Variants in ATP2C2 observed in about 807,000 individuals in gnomAD.
ATP2C2 encodes calcium-transporting ATPase type 2C member 2.
In ATP2C2, 171 loss-of-function variants were observed where a neutral mutation model predicts 110.8. That is an observed-to-expected ratio of 1.54 (90% confidence interval 1.36 to 1.75). The LOEUF (loss-of-function observed/expected upper bound fraction) is 1.75, where lower values mean the gene tolerates loss of function less well. ATP2C2 is among the 40% of genes most tolerant of loss of function. The pLI, the probability that ATP2C2 is intolerant of heterozygous loss-of-function variation, is 0.00. For missense variants in ATP2C2, 1,963 were observed against 1,235.0 expected, an observed-to-expected ratio of 1.59 and a Z score of -8.84; for synonymous variants, 804 against 508.4, an observed-to-expected ratio of 1.58 and a Z score of -7.82.
rs1246788025 is a variant in ATP2C2 at position 84,410,465 on chromosome 16, A to G, written c.418-103A>G. ...TGTACTGTGCACATGTTTTGCAAGAAGAAAGGAAATCAATCATTAAAGACA... is the reference window on the plus strand; with the variant it reads ...TGTACTGTGCACATGTTTTGCAAGAGGAAAGGAAATCAATCATTAAAGACA... On this transcript the variant is annotated intron_variant, in intron 4 of 26. Coordinates refer to ENST00000262429, the MANE Select transcript of ATP2C2 (RefSeq NM_014861.4). 3 of 1,339,322 alleles carry G rather than the reference A, an allele frequency of 2.2e-6. No individual in the cohort carries two copies. In the African/African-American group the frequency reaches 4.3e-5, roughly 19 times the overall value. 83.0% of individuals were successfully genotyped at this position (1,339,322 alleles called of 1,614,324 possible).
At chr16:84,456,217 T>C (rs1487190588) in intron 21 of ATP2C2, among the ~76,000 whole-genome samples, 1 of 136,240 alleles carries the variant, frequency 7.3e-6, no homozygotes, top group African/African-American at 2.8e-5. Context: ...CAGTTCCTCC[T>C]TGTACCTCTG....
chr16:84,398,819 C>A (rs1216145721), intron 2 of ATP2C2, among the ~76,000 whole-genome samples: 1 of 152,198 alleles, frequency 6.6e-6, no homozygotes, highest in Non-Finnish European at 1.5e-5. Flanking sequence ...CAGGCCCTTA[C>A]CGGAAGACGG....
intron 7 of ATP2C2, among the ~76,000 whole-genome samples, chr16:84,419,642 C>T (rs1423133870): frequency 2.4e-5 from 1 of 41,956 alleles, no homozygotes; most frequent in East Asian, 3.2e-4. Context: ...CTCCCTCCTC[C>T]CTTCCCTTGG....
intron 1 of ATP2C2, among the ~76,000 whole-genome samples, chr16:84,394,608 A>G (rs866402189): frequency 1.3e-5 from 2 of 151,880 alleles, no homozygotes; most frequent in African/African-American, 4.8e-5. Context: ...AGAAGTCAAA[A>G]CTCAAGGAGT....
chr16:84,394,627 C>A (rs566723034), intron 1 of ATP2C2, among the ~76,000 whole-genome samples: 1 of 152,098 alleles, frequency 6.6e-6, no homozygotes. Flanking sequence ...GTCAGGAGGG[C>A]TGTGCTCTCT....
rs1172827272 is a variant in ATP2C2 at position 84,423,842 on chromosome 16, C to G, written c.919+579C>G. Among the ~76,000 whole-genome samples, 5 of 152,324 alleles carry G rather than the reference C, an allele frequency of 3.3e-5. 1 individual carries two copies. Among genetic ancestry groups the G allele is most frequent in the East Asian group, 1.9e-4 (1 of 5,186 alleles). ...ACATATTTCTATGCTTCTAAGCAGG[C>G]TGTTCCTGGACTGGGACTTCCTGAC... On this transcript the variant is annotated intron_variant, in intron 10 of 26. Coordinates refer to ENST00000262429, the MANE Select transcript of ATP2C2 (RefSeq NM_014861.4).
At chr16:84,402,467 G>C (rs1476575174) in intron 2 of ATP2C2, among the ~76,000 whole-genome samples, 2 of 152,128 alleles carry the variant, frequency 1.3e-5, no homozygotes, top group Non-Finnish European at 2.9e-5. Context: ...ATTACATTGA[G>C]ACATGTTCCT....
intron 3 of ATP2C2, chr16:84,406,568 C>T (rs1299405311): frequency 1.0e-6 from 1 of 984,946 alleles, no homozygotes; most frequent in Non-Finnish European, 1.2e-6. Context: ...TCCTTGAGGT[C>T]CCCTCCCTGA....
Position 84,460,816 on chromosome 16 carries a change from C to T in ATP2C2, c.2481+15C>T. On this transcript the variant is annotated intron_variant, in intron 24 of 26. Coordinates refer to ENST00000262429, the MANE Select transcript of ATP2C2 (RefSeq NM_014861.4). Reference sequence around the variant, plus strand: ...TCTGGAAGGAGGTGAGCGAGGGTCACCCCGGCCTGTTCTCCAAGCCCTGGT... The same window carrying T: ...TCTGGAAGGAGGTGAGCGAGGGTCATCCCGGCCTGTTCTCCAAGCCCTGGT... 6.2e-7 allele frequency: 1 copy of T among 1,602,148 alleles called. No homozygotes were observed. The highest frequency in any genetic ancestry group is 8.5e-7 in the Non-Finnish European group (1 of 1,172,684).
intron 4 of ATP2C2, among the ~76,000 whole-genome samples, chr16:84,409,316 G>A (rs1290997864): frequency 1.3e-5 from 2 of 152,180 alleles, no homozygotes; most frequent in African/African-American, 4.8e-5. Flanking sequence ...AGGGGGCTGG[G>A]GGAGGGATAG....
At chr16:84,375,465 G>A (rs1910195522) in intron 1 of ATP2C2, among the ~76,000 whole-genome samples, 1 of 151,786 alleles carries the variant, frequency 6.6e-6, no homozygotes, top group African/African-American at 2.4e-5. Context: ...CACTTGAATC[G>A]GGGAGGCACA....
At chr16:84,424,509 C>T (rs1044114929) in intron 10 of ATP2C2, among the ~76,000 whole-genome samples, 1 of 151,302 alleles carries the variant, frequency 6.6e-6, no homozygotes, top group Non-Finnish European at 1.5e-5. Context: ...AACTCCTGGT[C>T]TCAAGTGATC....
At position 84,460,556 on chromosome 16, in the gene ATP2C2, G is replaced by A. The variant is rs756044312; in HGVS notation, c.2334-98G>A. The stretch of plus-strand genomic sequence containing the variant: ...CAGCAAATGCCTGGCCCTGCCCCCT[G>A]TGCCAACTTGGCCTGGGAGGCTCAG... On this transcript the variant is annotated intron_variant, in intron 23 of 26. Transcript: ENST00000262429. 1.0e-5 allele frequency: 16 copies of A among 1,564,042 alleles called. No individual in the cohort carries two copies. In the Admixed American group the frequency reaches 1.2e-4, roughly 11 times the overall value.
chr16:84,373,053 G>C (rs2151392787), intron 1 of ATP2C2, among the ~76,000 whole-genome samples: 1 of 150,540 alleles, frequency 6.6e-6, no homozygotes, highest in East Asian at 2.0e-4. Flanking sequence ...CCAGGAGGCG[G>C]AGGTTGCAGA....
intron 2 of ATP2C2, among the ~76,000 whole-genome samples, chr16:84,403,814 C>T (rs937920200): frequency 5.9e-5 from 9 of 152,164 alleles, no homozygotes; most frequent in African/African-American, 1.9e-4. Flanking sequence ...CCTCAGCCTC[C>T]TGAGTGGCTG....
At chr16:84,391,790 T>G (rs1460254220) in intron 1 of ATP2C2, among the ~76,000 whole-genome samples, 3 of 152,158 alleles carry the variant, frequency 2.0e-5, no homozygotes, top group Non-Finnish European at 2.9e-5. Flanking sequence ...GTGTTGGTTG[T>G]TTGTTACAGC....
intron 7 of ATP2C2, among the ~76,000 whole-genome samples, chr16:84,420,941 G>A (rs1907275558): frequency 6.6e-6 from 1 of 152,148 alleles, no homozygotes; most frequent in Admixed American, 6.6e-5. Flanking sequence ...GAGTAGCTGG[G>A]ATTACAGGCG....
chr16:84,404,809 CTTTTTT>C, intron 2 of ATP2C2: 1 of 274,900 alleles, frequency 3.6e-6, no homozygotes, highest in Non-Finnish European at 7.0e-6. Context: ...TTCCCAAGAC[CTTTTTT>C]TTTTTTTTTT....
intron 23 of ATP2C2, chr16:84,459,791 T>A: frequency 1.8e-6 from 1 of 543,240 alleles, no homozygotes; most frequent in Non-Finnish European, 3.3e-6. Flanking sequence ...TCCTTATGGA[T>A]CTGATTGTGA....
Sources: gnomAD v4.1 joint callset for allele counts (sites outside exome capture counted in the v4.1 genomes callset) on GRCh38, gnomAD v4.1.1 for gene constraint, MANE v1.5 for transcripts, NCBI Gene and HGNC (gene_info 2026-07-23, HGNC 2026-07-21) for gene names.